The following CSMD3 variants were observed in gnomAD, a reference collection of about 807,000 sequenced individuals.
CSMD3 encodes the protein CUB and sushi domain-containing protein 3.
In CSMD3, 177 loss-of-function variants were observed where a neutral mutation model predicts 435.2. The observed-to-expected ratio is 0.41, with a 90% CI of 0.36 to 0.46. CSMD3 has a LOEUF of 0.46. Among genes scored for constraint, CSMD3 ranks in the 20% least tolerant of loss-of-function variants. The pLI, the probability that CSMD3 is intolerant of heterozygous loss-of-function variation, is 0.34. For synonymous variants in CSMD3, 1,656 were observed against 1,520.5 expected (o/e 1.09, Z -2.07); for missense variants, 4,265 against 4,504.6 (o/e 0.95, Z 1.52).
chr8:112,413,700 GAAC>G (rs1811601487), intron 32 of CSMD3, among the ~76,000 whole-genome samples: 1 of 152,090 alleles, frequency 6.6e-6, no homozygotes, highest in African/African-American at 2.4e-5. Context: ...TGAATAAATA[GAAC>G]AACAAGAATT....
chr8:113,182,362 T>A (rs1224175441), intron 3 of CSMD3, among the ~76,000 whole-genome samples: 1 of 151,950 alleles, frequency 6.6e-6, no homozygotes, highest in African/African-American at 2.4e-5. Context: ...AAGAGCAGTA[T>A]ATGCAGAATA....
At chr8:112,820,238 C>A (rs532366151) in intron 12 of CSMD3, among the ~76,000 whole-genome samples, 26 of 152,116 alleles carry the variant, frequency 1.7e-4, no homozygotes, top group African/African-American at 6.3e-4. Context: ...ATTTGAGGCA[C>A]TTGACATCAA....
chr8:113,089,301 T>C (rs547567289), intron 5 of CSMD3, among the ~76,000 whole-genome samples: 27 of 152,340 alleles, frequency 1.8e-4, no homozygotes, highest in African/African-American at 6.5e-4. Context: ...ATCTGTTCTA[T>C]GCCAAAGGGT....
chr8:113,100,676 G>A (rs1227663037), intron 4 of CSMD3, among the ~76,000 whole-genome samples: 1 of 152,030 alleles, frequency 6.6e-6, no homozygotes, highest in Middle Eastern at 3.2e-3. Context: ...TATGAAGTAA[G>A]GCATACGTTA....
At chr8:113,094,053 C>A (rs2090089049) in intron 5 of CSMD3, among the ~76,000 whole-genome samples, 1 of 152,092 alleles carries the variant, frequency 6.6e-6, no homozygotes, top group Admixed American at 6.6e-5. Flanking sequence ...TGCTTATCTG[C>A]AACCTACATC....
rs1323203276 is a variant in CSMD3 at position 112,517,119 on chromosome 8, T to C, written c.4671A>G (p.Gly1557=). 2 of 1,613,854 alleles carry C rather than the reference T, an allele frequency of 1.2e-6. No individual in the cohort carries two copies. The highest frequency in any genetic ancestry group is 1.7e-6 in the Non-Finnish European group (2 of 1,179,836). The change falls in exon 28 of 71, where the codon GGA becomes GGG. Residue 1557 remains glycine (G), a synonymous_variant. Transcript: ENST00000297405. ...GDTVVFQCDP[G]YELQGEERIT... Reference sequence around the variant, plus strand: ...TTCTTTCCTCTCCTTGAAGTTCATATCCTGGGTCACATTGAAAAACAACAG... The same window carrying C: ...TTCTTTCCTCTCCTTGAAGTTCATACCCTGGGTCACATTGAAAAACAACAG...
rs2075088715 is a variant in CSMD3 at position 112,650,200 on chromosome 8, T to C, written c.3154A>G (p.Lys1052Glu). 5 of 1,614,096 alleles carry C rather than the reference T, an allele frequency of 3.1e-6. No individual in the cohort carries two copies. Among genetic ancestry groups the C allele is most frequent in the Non-Finnish European group, 4.2e-6 (5 of 1,179,948 alleles). The change falls in exon 19 of 71, where the codon AAA becomes GAA. Residue 1052 changes from lysine (K) to glutamate (E), a missense_variant. Lys to Glu is a moderately conservative substitution (Grantham distance 56). Around this residue, in one of 3 missense-constraint regions of CSMD3, gnomAD observed 3,255 missense variants for 3,380.2 expected, o/e 0.96. Transcript: ENST00000297405. ...AGTGGATGACTCCACCAGTGGTTTT[T>C]TTCGCATAGAAGGGGCTCTTCATGA... is the stretch of plus-strand genomic sequence containing the variant. The part of the protein sequence containing the change: ...LSHEEPLLCE[K>E]NHWWSHPLPT...
At chr8:112,609,606 G>A (rs1833094945) in intron 22 of CSMD3, among the ~76,000 whole-genome samples, 1 of 152,052 alleles carries the variant, frequency 6.6e-6, no homozygotes, top group East Asian at 1.9e-4. Context: ...ACAGTAGGGA[G>A]GTTCCTCAGA....
intron 2 of CSMD3, among the ~76,000 whole-genome samples, chr8:113,304,753 G>A (rs2093803817): frequency 8.3e-6 from 1 of 120,952 alleles, no homozygotes; most frequent in Non-Finnish European, 1.7e-5. Context: ...ATCACACTCT[G>A]GGGACTGTGG....
chr8:113,184,798 C>A (rs1386582553), intron 3 of CSMD3, among the ~76,000 whole-genome samples: 1 of 152,018 alleles, frequency 6.6e-6, no homozygotes, highest in African/African-American at 2.4e-5. Flanking sequence ...TGTCAGACAT[C>A]TGGCATAATT....
At chr8:112,736,945 T>C (rs971320305) in intron 13 of CSMD3, among the ~76,000 whole-genome samples, 2 of 151,956 alleles carry the variant, frequency 1.3e-5, no homozygotes, top group African/African-American at 4.8e-5. Context: ...CTTTGTAAAA[T>C]TGTACTGCTT....
At chr8:113,064,789 T>G (rs2088782625) in intron 5 of CSMD3, among the ~76,000 whole-genome samples, 1 of 152,174 alleles carries the variant, frequency 6.6e-6, no homozygotes, top group Non-Finnish European at 1.5e-5. Context: ...TTCTTTTCTT[T>G]TATTTATTTT....
At chr8:112,451,624 C>T (rs1399386459) in intron 32 of CSMD3, among the ~76,000 whole-genome samples, 6 of 151,856 alleles carry the variant, frequency 4.0e-5, no homozygotes, top group Admixed American at 1.3e-4. Flanking sequence ...CTGCAACCTC[C>T]GCCTCCCGGG....
At chr8:113,384,151 G>A (rs577519798) in intron 1 of CSMD3, among the ~76,000 whole-genome samples, 19 of 152,086 alleles carry the variant, frequency 1.2e-4, no homozygotes, top group South Asian at 6.2e-4. Context: ...GCTGAAATAC[G>A]AATCTTTTGT....
chr8:113,230,709 T>C (rs2093075954), intron 3 of CSMD3, among the ~76,000 whole-genome samples: 1 of 151,742 alleles, frequency 6.6e-6, no homozygotes, highest in East Asian at 1.9e-4. Context: ...AGCAAGTTTG[T>C]TTCTAATTTT....
chr8:113,192,801 C>T (rs1199844481), intron 3 of CSMD3, among the ~76,000 whole-genome samples: 1 of 149,206 alleles, frequency 6.7e-6, no homozygotes, highest in Non-Finnish European at 1.5e-5. Context: ...TCTTATAGTC[C>T]TCCTTTTTCT....
chr8:112,513,669 G>A (rs903025315), intron 28 of CSMD3, among the ~76,000 whole-genome samples: 3 of 152,118 alleles, frequency 2.0e-5, no homozygotes, highest in Admixed American at 6.6e-5. Context: ...TTGGCACAGG[G>A]TTGACAAAAA....
chr8:112,322,769 TG>T (rs1304202716), intron 45 of CSMD3, among the ~76,000 whole-genome samples: 1 of 152,098 alleles, frequency 6.6e-6, no homozygotes, highest in Non-Finnish European at 1.5e-5. Flanking sequence ...AAACACGACT[TG>T]TTCAAAGTGT....
intron 9 of CSMD3, among the ~76,000 whole-genome samples, chr8:112,946,623 A>C (rs542144911): frequency 3.5e-4 from 53 of 151,890 alleles, no homozygotes; most frequent in African/African-American, 1.2e-3. Context: ...TGTGGTCTGT[A>C]AGATATAACC....
Sources: gnomAD v4.1 joint callset for allele counts (sites outside exome capture counted in the v4.1 genomes callset) on GRCh38, gnomAD v4.1.1 for gene constraint, gnomAD v4.1.1 regional missense constraint, MANE v1.5 for transcripts, NCBI Gene and HGNC (gene_info 2026-07-23, HGNC 2026-07-21) for gene names.